The following PTPN3 variants were observed in gnomAD, a reference collection of about 807,000 sequenced individuals.
PTPN3 encodes the protein tyrosine-protein phosphatase non-receptor type 3.
Under a neutral mutation model 132.7 loss-of-function variants are expected in PTPN3, and 96 were observed. The ratio of observed to expected loss-of-function variants is 0.72; its 90% CI spans 0.61 to 0.86. The LOEUF is 0.86. PTPN3 is among the 40% of genes least tolerant of loss of function. The probability of loss-of-function intolerance (pLI) is 0.00; values close to 1 mark genes in which losing one functional copy is unlikely to be tolerated. For synonymous variants in PTPN3, 398 were observed against 429.0 expected, an observed-to-expected ratio of 0.93 and a Z score of 0.89; for missense variants, 1,125 against 1,159.6, an observed-to-expected ratio of 0.97 and a Z score of 0.43.
chr9:109,390,861 C>T (rs57356030), intron 21 of PTPN3, among the ~76,000 whole-genome samples: 1 of 152,126 alleles, frequency 6.6e-6, no homozygotes, highest in African/African-American at 2.4e-5. Context: ...CCACTCAGTA[C>T]AGGGGCATGT....
chr9:109,471,340 G>A (rs887740403), intron 1 of PTPN3, among the ~76,000 whole-genome samples: 5 of 152,202 alleles, frequency 3.3e-5, no homozygotes, highest in African/African-American at 1.2e-4. Flanking sequence ...TTACAGGCGT[G>A]AGCCATCGTG....
chr9:109,455,305 A>G (rs1330400689), intron 4 of PTPN3, among the ~76,000 whole-genome samples: 2 of 152,210 alleles, frequency 1.3e-5, no homozygotes, highest in South Asian at 2.1e-4. Flanking sequence ...AGACGGCAAC[A>G]GGAGAAGATC....
At chr9:109,450,717 A>T in intron 5 of PTPN3, 8 of 985,366 alleles carry the variant, frequency 8.1e-6, no homozygotes, top group Non-Finnish European at 9.6e-6. Flanking sequence ...ACAATGAAGA[A>T]GATATTTATT....
At chr9:109,454,346 G>A (rs907701688) in intron 5 of PTPN3, 150 bp downstream of exon 5, 6 of 703,112 alleles carry the variant, frequency 8.5e-6, no homozygotes, top group Non-Finnish European at 1.5e-5. Flanking sequence ...ATGTCAGTAT[G>A]TGCACCCCAG....
At position 109,393,545 on chromosome 9, in the gene PTPN3, C is replaced by A. The variant is rs114103648; in HGVS notation, c.1954-1984G>T. 7.4e-3 allele frequency among the ~76,000 whole-genome samples: 1,127 copies of A among 151,974 alleles called. 11 individuals carry two copies. The highest frequency in any genetic ancestry group is 0.025 in the African/African-American group (1,029 of 41,442). ...GGGATTATAGGTATCCATCACCACA[C>A]CTGCTTAATTTTTGTATTTTTAGTA... is the stretch of plus-strand genomic sequence containing the variant. On this transcript the variant is annotated intron_variant, in intron 19 of 25. Transcript: ENST00000374541.
chr9:109,508,149 T>C, the PTPN3 span, among the ~76,000 whole-genome samples: 95 of 145,636 alleles, frequency 6.5e-4, no homozygotes, highest in East Asian at 0.019. Flanking sequence ...GAGTATTTGA[T>C]CTGTTTCTCT....
the PTPN3 span, chr9:109,533,481 T>G: frequency 6.3e-7 from 1 of 1,587,704 alleles, no homozygotes; most frequent in Non-Finnish European, 8.6e-7. Context: ...GTCGGTAAGT[T>G]GCGGCGGTAC....
chr9:109,452,936 A>C (rs1845350710), intron 5 of PTPN3, among the ~76,000 whole-genome samples: 2 of 152,102 alleles, frequency 1.3e-5, no homozygotes, highest in African/African-American at 4.8e-5. Context: ...TATAGATTTC[A>C]TCACCAGCTC....
chr9:109,410,495 G>C, intron 14 of PTPN3, 80 bp from the exon 15 acceptor site: 1 of 1,433,818 alleles, frequency 7.0e-7, no homozygotes, highest in Non-Finnish European at 9.6e-7. Flanking sequence ...GTAGGGGCCT[G>C]GCAGCTGGGG....
At chr9:109,472,832 C>T (rs1473992512) in intron 1 of PTPN3, among the ~76,000 whole-genome samples, 1 of 152,144 alleles carries the variant, frequency 6.6e-6, no homozygotes, top group Non-Finnish European at 1.5e-5. Context: ...TGAATACTTG[C>T]TAAACTAGAA....
Position 109,498,130 on chromosome 9 carries a change from G to A in PTPN3, c.-18+89C>T, listed in dbSNP as rs1055690638. 1 of 146,008 alleles carries A rather than the reference G, an allele frequency of 6.8e-6. No homozygotes were observed. The highest frequency in any genetic ancestry group is 1.5e-5 in the Non-Finnish European group (1 of 65,700). The allele number at this position is 146,008 out of a possible 1,614,324, so 9.0% of individuals were successfully genotyped here. ...GCGTCCGCCGCGCGCCCCAGGGACG[G>A]GTGGGGGCGGGGTGGCGCCGAGCGC... On this transcript the variant is annotated intron_variant, in intron 1 of 25. Coordinates refer to ENST00000374541, the MANE Select transcript of PTPN3 (RefSeq NM_002829.4). The surrounding 1 kb of genome is among the most constrained non-coding windows in gnomAD (Gnocchi z 4.2).
chr9:109,417,727 A>G, intron 14 of PTPN3: 6 of 985,242 alleles, frequency 6.1e-6, no homozygotes, highest in Non-Finnish European at 7.2e-6. Context: ...TGTTCATCCC[A>G]CTTGCAGAGC....
intron 12 of PTPN3, 72 bp from the exon 13 acceptor site, chr9:109,422,924 C>G (rs1842984330): frequency 6.6e-7 from 1 of 1,526,424 alleles, no homozygotes; most frequent in East Asian, 2.3e-5. Context: ...ATGTGTGAAA[C>G]AGTCTACACA....
At chr9:109,424,955 G>A (rs1843135061) in intron 12 of PTPN3, among the ~76,000 whole-genome samples, 1 of 152,224 alleles carries the variant, frequency 6.6e-6, no homozygotes. Context: ...TCAAGTGACA[G>A]AGGCAGGATT....
chr9:109,440,056 G>A (rs1046055089), intron 7 of PTPN3, among the ~76,000 whole-genome samples: 3 of 152,192 alleles, frequency 2.0e-5, no homozygotes, highest in Non-Finnish European at 1.5e-5. Flanking sequence ...TGCCTCAAGT[G>A]CTGGGAGTGG....
intron 10 of PTPN3, among the ~76,000 whole-genome samples, chr9:109,432,463 T>C (rs942103637): frequency 2.0e-5 from 3 of 152,188 alleles, no homozygotes; most frequent in Admixed American, 6.5e-5. Flanking sequence ...CACCATCACG[T>C]TACCATTATG....
rs1398915152 is a variant in PTPN3, at chr9:109,436,903, C to T, written c.655G>A (p.Val219Ile). The change falls in exon 9 of 26, where the codon GTA (valine) becomes ATA (isoleucine). Residue 219 changes from valine to isoleucine, a missense_variant. Val to Ile is a conservative substitution (Grantham distance 29). Transcript: ENST00000374541. ...CATACCCTACCACTGTGCAGTTCTA[C>T]TCCATAGAAGTCGAGGGTCCGCGCT... ...NIARTLDFYG[V>I]ELHSGRDLHN... is the part of the protein sequence containing the mutation. 4 of 1,614,080 alleles carry T rather than the reference C, an allele frequency of 2.5e-6. No homozygotes were observed. In the South Asian group the frequency reaches 3.3e-5, roughly 13 times the overall value.
chr9:109,511,607 A>G, the PTPN3 span: 1 of 153,470 alleles, frequency 6.5e-6, no homozygotes, highest in Non-Finnish European at 1.5e-5. Context: ...TGAGATGAAC[A>G]ACTTCATGGA....
intron 2 of PTPN3, among the ~76,000 whole-genome samples, chr9:109,460,085 C>A (rs548309419): frequency 1.3e-5 from 2 of 152,224 alleles, no homozygotes; most frequent in Admixed American, 6.5e-5. Flanking sequence ...GCCTCTCCCC[C>A]ACAATATGCC....
Sources: allele counts gnomAD v4.1 joint callset (sites outside exome capture counted in the v4.1 genomes callset), GRCh38; gene constraint gnomAD v4.1.1; non-coding constraint Gnocchi (gnomAD v3.1); transcripts MANE v1.5; gene names NCBI Gene and HGNC (gene_info 2026-07-23, HGNC 2026-07-21).